Variants in PCSK5 observed in about 807,000 individuals in gnomAD.
The protein encoded by PCSK5 is prohormone convertase 5.
A neutral mutation model predicts 233.2 loss-of-function variants in PCSK5; 129 were observed. The ratio of observed to expected loss-of-function variants is 0.55; its 90% CI spans 0.48 to 0.64. The LOEUF is 0.64. Among genes scored for constraint, PCSK5 ranks in the 30% least tolerant of loss-of-function variants. The pLI is 0.00. For missense variants in PCSK5, 2,076 were observed against 2,430.1 expected (o/e 0.85, Z 3.06); for synonymous variants, 825 against 879.2 (o/e 0.94, Z 1.09).
chr9:76,361,811 A>G lies in PCSK5; in HGVS notation c.*2889A>G, dbSNP rs1012404108. ...TATATGCATGATAGCCATCATATCA[A>G]TGGAAGACTTTCTCACCTCTGTGGT... On this transcript the variant is annotated 3_prime_UTR_variant, in exon 38 of 38. Transcript: ENST00000674117. 7 of 152,250 alleles carry G rather than the reference A, an allele frequency of 4.6e-5. No individual in the cohort carries two copies. Among genetic ancestry groups the G allele is most frequent in the African/African-American group, 7.2e-5 (3 of 41,470 alleles). 9.4% of individuals were successfully genotyped at this position (152,250 alleles called of 1,614,324 possible).
intron 20 of PCSK5, among the ~76,000 whole-genome samples, chr9:76,216,464 G>C (rs536951188): frequency 6.6e-6 from 1 of 152,294 alleles, no homozygotes. Flanking sequence ...ACTGTGCTAA[G>C]AGCTGGGTGA....
intron 3 of PCSK5, among the ~76,000 whole-genome samples, chr9:76,016,101 C>T (rs536359848): frequency 6.6e-6 from 1 of 152,366 alleles, no homozygotes; most frequent in South Asian, 2.1e-4. Context: ...CCTTCCTACA[C>T]TTCCCCCTGA....
At chr9:76,312,112 G>C (rs935422426) in intron 30 of PCSK5, among the ~76,000 whole-genome samples, 1 of 152,206 alleles carries the variant, frequency 6.6e-6, no homozygotes, top group Admixed American at 6.5e-5. Flanking sequence ...AGGAAGAATG[G>C]AGAGAGGGAG....
chr9:76,348,641 G>A (rs1430499071), intron 35 of PCSK5, among the ~76,000 whole-genome samples: 1 of 151,498 alleles, frequency 6.6e-6, no homozygotes, highest in African/African-American at 2.4e-5. Context: ...AATCCTTTTT[G>A]TGGTAAGAAC....
chr9:76,279,319 G>A (rs7865912), intron 24 of PCSK5, among the ~76,000 whole-genome samples: 10,881 of 139,014 alleles, frequency 0.078, 615 homozygotes, highest in African/African-American at 0.15. Flanking sequence ...TCATTGTTGG[G>A]CATTTGGGTT....
intron 2 of PCSK5, among the ~76,000 whole-genome samples, chr9:75,936,228 C>T (rs1246176308): frequency 6.6e-6 from 1 of 152,164 alleles, no homozygotes; most frequent in Admixed American, 6.5e-5. Flanking sequence ...CTGCTGACTG[C>T]TCAGGGTGGT....
chr9:75,916,412 C>T (rs186692668), intron 1 of PCSK5, among the ~76,000 whole-genome samples: 125 of 152,148 alleles, frequency 8.2e-4, no homozygotes, highest in Admixed American at 8.1e-3. Flanking sequence ...CCACTCTATC[C>T]CACCCACTGT....
chr9:75,962,765 A>C (rs896225185), intron 2 of PCSK5, among the ~76,000 whole-genome samples: 2 of 152,192 alleles, frequency 1.3e-5, no homozygotes, highest in African/African-American at 4.8e-5. Flanking sequence ...GATGTCAGGA[A>C]GACATCACAC....
At chr9:76,025,779 T>C (rs1463726018) in intron 4 of PCSK5, among the ~76,000 whole-genome samples, 4 of 152,186 alleles carry the variant, frequency 2.6e-5, no homozygotes, top group East Asian at 1.9e-4. Flanking sequence ...GCAGAAATTA[T>C]GCCCATGTTT....
intron 30 of PCSK5, among the ~76,000 whole-genome samples, chr9:76,313,446 T>C (rs1587313524): frequency 6.6e-6 from 1 of 152,084 alleles, no homozygotes. Context: ...TTTTTCCATT[T>C]CCCCCAGCCC....
intron 10 of PCSK5, among the ~76,000 whole-genome samples, chr9:76,151,224 GT>G (rs558162139): frequency 8.5e-4 from 130 of 152,260 alleles, no homozygotes; most frequent in African/African-American, 3.0e-3. Context: ...GAATCCAAAG[GT>G]GCTAGGACTG....
At chr9:75,910,129 C>T (rs904991933) in intron 1 of PCSK5, among the ~76,000 whole-genome samples, 9 of 152,218 alleles carry the variant, frequency 5.9e-5, no homozygotes, top group African/African-American at 1.7e-4. Context: ...GATCAGTTCA[C>T]TCTAGTGGAA....
chr9:76,042,945 G>A (rs538295599), intron 5 of PCSK5, among the ~76,000 whole-genome samples: 3 of 152,314 alleles, frequency 2.0e-5, no homozygotes, highest in Admixed American at 2.0e-4. Context: ...GGGTTGGACT[G>A]TAGCATTAGT....
At chr9:75,960,022 C>T (rs774864155) in intron 2 of PCSK5, among the ~76,000 whole-genome samples, 5 of 152,188 alleles carry the variant, frequency 3.3e-5, no homozygotes, top group Non-Finnish European at 7.3e-5. Context: ...ACCTAGGATT[C>T]AAACTCATGT....
chr9:75,895,999 C>T (rs894913176), intron 1 of PCSK5, among the ~76,000 whole-genome samples: 5 of 152,106 alleles, frequency 3.3e-5, no homozygotes, highest in African/African-American at 4.8e-5. Flanking sequence ...TTGTGCTTGC[C>T]TAATAAATTC....
At position 75,897,102 on chromosome 9, in the gene PCSK5, G is replaced by A. The variant is rs547481356; in HGVS notation, c.192+5729G>A. Among the ~76,000 whole-genome samples the A allele has an allele frequency of 3.3e-5, 5 of 152,198 alleles. No homozygotes were observed. The East Asian group carries it at 9.6e-4, about 29-fold the overall frequency. Reference sequence around the variant, plus strand: ...TAATACCTACTCCATCCACCTCATAGAGTTGCTGTGAAAATCAGGTGACCT... The same window carrying A: ...TAATACCTACTCCATCCACCTCATAAAGTTGCTGTGAAAATCAGGTGACCT... On this transcript the variant is annotated intron_variant, in intron 1 of 37. Transcript: ENST00000674117.
chr9:76,030,777 T>G (rs1828621661), intron 5 of PCSK5, among the ~76,000 whole-genome samples: 1 of 152,152 alleles, frequency 6.6e-6, no homozygotes, highest in Non-Finnish European at 1.5e-5. Context: ...TGCTTTTTTT[T>G]TTCCTTAAGG....
At chr9:76,150,266 C>T (rs1251937510) in intron 10 of PCSK5, among the ~76,000 whole-genome samples, 5 of 152,220 alleles carry the variant, frequency 3.3e-5, no homozygotes, top group South Asian at 2.1e-4. Flanking sequence ...GCACTGGTGA[C>T]GGCTGGCATG....
chr9:76,133,350 A>G (rs1822836512), intron 9 of PCSK5, among the ~76,000 whole-genome samples: 1 of 152,046 alleles, frequency 6.6e-6, no homozygotes, highest in Non-Finnish European at 1.5e-5. Context: ...GTCTGTTTGT[A>G]TGTGCTTGGA....
Sources: gnomAD v4.1 joint callset for allele counts (sites outside exome capture counted in the v4.1 genomes callset) on GRCh38, gnomAD v4.1.1 for gene constraint, MANE v1.5 for transcripts, NCBI Gene and HGNC (gene_info 2026-07-23, HGNC 2026-07-21) for gene names.